Variants in CPEB1 observed in about 807,000 individuals in gnomAD.
The protein encoded by CPEB1 is cytoplasmic polyadenylation element binding protein 1, also known as cytoplasmic polyadenylation element-binding protein 1.
CPEB1 carries 7 observed loss-of-function variants against 65.8 expected under a neutral mutation model. The observed-to-expected ratio is 0.11, with a 90% CI of 0.06 to 0.20. The LOEUF (loss-of-function observed/expected upper bound fraction) is 0.20, where lower values mean the gene tolerates loss of function less well. Among genes scored for constraint, CPEB1 ranks in the 10% least tolerant of loss-of-function variants. The probability of loss-of-function intolerance (pLI) is 1.00; values close to 1 mark genes in which losing one functional copy is unlikely to be tolerated. For missense variants in CPEB1, 551 were observed against 712.2 expected (o/e 0.77, Z 2.58); for synonymous variants, 262 against 260.0 (o/e 1.01, Z -0.08).
At chr15:82,546,060 A>G (rs1232978718) in intron 12 of CPEB1, among the ~76,000 whole-genome samples, 1 of 152,230 alleles carries the variant, frequency 6.6e-6, no homozygotes, top group East Asian at 1.9e-4. Flanking sequence ...CTATGCTCTC[A>G]GACACCACAG....
chr15:82,627,353 T>C lies in CPEB1; in HGVS notation c.111A>G (p.Gly37=). The change falls in exon 3 of 13, where the codon GGA becomes GGG. Residue 37 remains glycine (G), a synonymous_variant. Coordinates refer to ENST00000684509, the MANE Select transcript of CPEB1 (RefSeq NM_001365242.1). ...LLLIPLEEEA[G]RIKDCWDNQE... ...GGTTGTCCCAGCAATCTTTTATCCTTCCTGCTTCTTCTTCCTAGACACAGA... is the reference window on the plus strand; with the variant it reads ...GGTTGTCCCAGCAATCTTTTATCCTCCCTGCTTCTTCTTCCTAGACACAGA... The C allele has an allele frequency of 6.2e-7, 1 of 1,611,912 alleles. No homozygotes were observed. The highest frequency in any genetic ancestry group is 8.5e-7 in the Non-Finnish European group (1 of 1,179,140).
chr15:82,584,787 T>C (rs2041621900), intron 3 of CPEB1, among the ~76,000 whole-genome samples: 1 of 151,032 alleles, frequency 6.6e-6, no homozygotes, highest in South Asian at 2.1e-4. Context: ...AGGCAAATAG[T>C]GTGTTCAAAA....
At chr15:82,603,104 T>G (rs1345696591) in intron 3 of CPEB1, among the ~76,000 whole-genome samples, 1 of 152,024 alleles carries the variant, frequency 6.6e-6, no homozygotes, top group East Asian at 1.9e-4. Flanking sequence ...CCTTTTAATT[T>G]GTATTATTTT....
intron 5 of CPEB1, chr15:82,557,457 C>T (rs2037418548): frequency 5.7e-6 from 2 of 350,310 alleles, no homozygotes; most frequent in Admixed American, 9.0e-5. Context: ...CAGAACACTG[C>T]CAGGGCCCTC....
At chr15:82,566,283 T>C (rs944411114) in intron 4 of CPEB1, among the ~76,000 whole-genome samples, 1 of 152,114 alleles carries the variant, frequency 6.6e-6, no homozygotes, top group Non-Finnish European at 1.5e-5. Context: ...CTAATGGGAA[T>C]AGTCTAATGG....
chr15:82,628,620 C>A, intron 1 of CPEB1, 64 bp from the exon 2 acceptor site: 1 of 594,302 alleles, frequency 1.7e-6, no homozygotes, highest in Admixed American at 3.2e-5. Context: ...AATGAAAAAG[C>A]AAAAAGTCAG....
intron 3 of CPEB1, among the ~76,000 whole-genome samples, chr15:82,608,021 C>T (rs1433169122): frequency 6.6e-6 from 1 of 151,358 alleles, no homozygotes; most frequent in African/African-American, 2.5e-5. Context: ...GTTTACAACT[C>T]TGCAGTATTC....
At chr15:82,623,200 T>G (rs1596122226) in intron 3 of CPEB1, among the ~76,000 whole-genome samples, 1 of 152,344 alleles carries the variant, frequency 6.6e-6, no homozygotes, top group East Asian at 1.9e-4. Context: ...ACCAGAAGTG[T>G]TTCCTAGTTC....
rs2034718056 is a variant in CPEB1 at position 82,543,885 on chromosome 15, C to T, written c.*707G>A. On this transcript the variant is annotated 3_prime_UTR_variant, in exon 13 of 13. Coordinates refer to ENST00000684509, the MANE Select transcript of CPEB1 (RefSeq NM_001365242.1). ...CTGTGAGAAACAGTGACCAGCAGTC[C>T]CCCAGACACAAATTTGCTATAATGT... is the stretch of plus-strand genomic sequence containing the variant. 1 of 152,142 alleles carries T rather than the reference C, an allele frequency of 6.6e-6. No individual in the cohort carries two copies. Among genetic ancestry groups the T allele is most frequent in the Admixed American group, 6.6e-5 (1 of 15,258 alleles). The allele number at this position is 152,142 out of a possible 1,614,324, so 9.4% of individuals were successfully genotyped here.
chr15:82,590,475 T>C (rs1413721956), intron 3 of CPEB1, among the ~76,000 whole-genome samples: 2 of 152,198 alleles, frequency 1.3e-5, no homozygotes, highest in Admixed American at 6.5e-5. Flanking sequence ...GGTATGGCTA[T>C]AGACAGAAAC....
intron 10 of CPEB1, chr15:82,548,577 G>T (rs1279066821): frequency 2.0e-5 from 7 of 356,052 alleles, no homozygotes; most frequent in Non-Finnish European, 4.0e-5. Context: ...AAGGTTAAAG[G>T]ATTCAGAGTG....
chr15:82,566,073 C>T (rs1438904301), intron 4 of CPEB1, among the ~76,000 whole-genome samples: 3 of 152,174 alleles, frequency 2.0e-5, no homozygotes, highest in Non-Finnish European at 1.5e-5. Context: ...TATGCCAGCT[C>T]CTGTCGGTTT....
chr15:82,632,711 C>T, intron 1 of CPEB1, among the ~76,000 whole-genome samples: 1 of 151,466 alleles, frequency 6.6e-6, no homozygotes, highest in Non-Finnish European at 1.5e-5. Context: ...TTTTTCCCCT[C>T]AGAGAAAAGG....
In CPEB1 at chr15:82,647,328, GCGACCGCCGC is replaced by G. The variant is rs999917754; in HGVS notation, c.-299_-290del. 1.3e-5 allele frequency: 2 copies of G among 152,608 alleles called. No homozygotes were observed. Among genetic ancestry groups the G allele is most frequent in the African/African-American group, 4.8e-5 (2 of 41,476 alleles). The allele number at this position is 152,608 out of a possible 1,614,324, so 9.5% of individuals were successfully genotyped here. A position where few individuals can be genotyped will look rare whatever the true frequency, so the allele number is the denominator to read the frequency against. ...TTGAGCCCTCCACCTTAAAGGTGCCGCGACCGCCGCCGTCGTGGGGCTCTCCACAGAGCAC... is the reference window on the plus strand; with the variant it reads ...TTGAGCCCTCCACCTTAAAGGTGCCGCGTCGTGGGGCTCTCCACAGAGCAC... On this transcript the variant is annotated 5_prime_UTR_variant, in exon 1 of 13. Coordinates refer to ENST00000684509, the MANE Select transcript of CPEB1 (RefSeq NM_001365242.1).
intron 4 of CPEB1, among the ~76,000 whole-genome samples, chr15:82,567,768 C>T (rs991247120): frequency 2.0e-5 from 3 of 152,232 alleles, no homozygotes; most frequent in East Asian, 3.8e-4. Context: ...GCCCACTGGG[C>T]TTCTGTACAA....
chr15:82,626,441 AAAAG>A (rs199695621), intron 3 of CPEB1, among the ~76,000 whole-genome samples: 2,700 of 152,286 alleles, frequency 0.018, 30 homozygotes, highest in Non-Finnish European at 0.026. Context: ...CCAAAAAACA[AAAAG>A]AAAGAAAGAA....
At chr15:82,630,596 A>G (rs2046157454) in intron 1 of CPEB1, among the ~76,000 whole-genome samples, 1 of 151,738 alleles carries the variant, frequency 6.6e-6, no homozygotes, top group African/African-American at 2.4e-5. Context: ...ACAGAGCAAG[A>G]CCCTGTCTCA....
intron 3 of CPEB1, among the ~76,000 whole-genome samples, chr15:82,625,176 C>A (rs1355721819): frequency 6.6e-6 from 1 of 152,112 alleles, no homozygotes; most frequent in Non-Finnish European, 1.5e-5. Flanking sequence ...AAAAACAGAA[C>A]ATGTATTAGA....
At chr15:82,579,918 C>CAAAAAAAAAAAAAAAA (rs59925251) in intron 3 of CPEB1, among the ~76,000 whole-genome samples, 2 of 32,680 alleles carry the variant, frequency 6.1e-5, no homozygotes, top group Non-Finnish European at 6.8e-5. Context: ...GACTCCGTCT[C>CAAAAAAAAAAAAAAAA]AAAAAAAAAA....
Sources: allele counts gnomAD v4.1 joint callset (sites outside exome capture counted in the v4.1 genomes callset), GRCh38; gene constraint gnomAD v4.1.1; transcripts MANE v1.5; gene names NCBI Gene and HGNC (gene_info 2026-07-23, HGNC 2026-07-21).